ARSB: variants seen among roughly 807,000 people sequenced by gnomAD.
ARSB encodes arylsulfatase B, also known as N-acetylgalactosamine-4-sulfatase.
In ARSB, 41 loss-of-function variants were observed where a neutral mutation model predicts 50.9. The ratio of observed to expected loss-of-function variants is 0.81; its 90% CI spans 0.63 to 1.04. The LOEUF is 1.04. ARSB is among the 50% of genes least tolerant of loss of function. The probability of loss-of-function intolerance (pLI) is 0.00; values close to 1 mark genes in which losing one functional copy is unlikely to be tolerated. For missense variants in ARSB, 672 were observed against 693.3 expected (o/e 0.97, Z 0.35); for synonymous variants, 269 against 284.8 (o/e 0.94, Z 0.56).
intron 4 of ARSB, among the ~76,000 whole-genome samples, chr5:78,914,824 G>A (rs151129523): frequency 3.9e-5 from 6 of 152,158 alleles, no homozygotes; most frequent in East Asian, 3.9e-4. Flanking sequence ...CTGCCACCAC[G>A]CCCAGCTAAT....
At chr5:78,964,852 AAC>A (rs1561530627) in intron 2 of ARSB, among the ~76,000 whole-genome samples, 25 of 138,308 alleles carry the variant, frequency 1.8e-4, no homozygotes, top group African/African-American at 7.5e-4. Context: ...ATGTAACACT[AAC>A]AGTTTTTTTT....
chr5:78,918,732 G>A (rs1426245218), intron 4 of ARSB, among the ~76,000 whole-genome samples: 2 of 152,156 alleles, frequency 1.3e-5, no homozygotes, highest in Non-Finnish European at 2.9e-5. Flanking sequence ...TAGAGTCAAA[G>A]CAATTTTTAT....
rs1748166334 is a variant in ARSB, at chr5:78,889,077, A to G, written c.899-3250T>C. 2.6e-5 allele frequency among the ~76,000 whole-genome samples: 4 copies of G among 152,226 alleles called. No individual in the cohort carries two copies. In the South Asian group the frequency reaches 8.3e-4, roughly 31 times the overall value. On this transcript the variant is annotated intron_variant, in intron 4 of 7. Coordinates refer to ENST00000264914, the MANE Select transcript of ARSB (RefSeq NM_000046.5). ...GGCCGATGGTTGCCACTTATCAGCA[A>G]TGGGGCAGAATCCACTGAGTTAGGA...
intron 6 of ARSB, among the ~76,000 whole-genome samples, chr5:78,809,305 C>T (rs1438321498): frequency 6.6e-6 from 1 of 152,180 alleles, no homozygotes; most frequent in Non-Finnish European, 1.5e-5. Flanking sequence ...TCTCAAAGAA[C>T]AAGCCAGATT....
At position 78,985,307 on chromosome 5, in the gene ARSB, G is replaced by T; in HGVS notation, c.-59C>A. On this transcript the variant is annotated 5_prime_UTR_variant, in exon 1 of 8. Transcript: ENST00000264914. The stretch of plus-strand genomic sequence containing the variant: ...CCACCAGCCCCTTGTACCGCTGATA[G>T]AATGAGGAACTGGGCTGCCGGGGCC... 8.9e-6 allele frequency: 11 copies of T among 1,236,874 alleles called. No individual in the cohort carries two copies. The highest frequency in any genetic ancestry group is 1.1e-5 in the Non-Finnish European group (11 of 989,558). 76.6% of individuals were successfully genotyped at this position (1,236,874 alleles called of 1,614,324 possible).
At chr5:78,800,394 C>T (rs984639570) in intron 6 of ARSB, among the ~76,000 whole-genome samples, 5 of 151,600 alleles carry the variant, frequency 3.3e-5, no homozygotes, top group South Asian at 2.1e-4. Flanking sequence ...GGAGCACTCA[C>T]AGACTCCCCT....
chr5:78,900,175 G>T (rs574049506), intron 4 of ARSB, among the ~76,000 whole-genome samples: 46 of 152,158 alleles, frequency 3.0e-4, no homozygotes, highest in African/African-American at 1.0e-3. Context: ...AGGGGTTCCT[G>T]CCCATGGGAA....
chr5:78,792,769 T>C (rs1457285291), intron 6 of ARSB, among the ~76,000 whole-genome samples: 1 of 152,112 alleles, frequency 6.6e-6, no homozygotes, highest in East Asian at 1.9e-4. Context: ...ACTGACCAAC[T>C]GAAAGAAATC....
At chr5:78,896,001 G>A (rs1748542698) in intron 4 of ARSB, among the ~76,000 whole-genome samples, 1 of 152,202 alleles carries the variant, frequency 6.6e-6, no homozygotes, top group Admixed American at 6.5e-5. Context: ...TCCCCTGGAG[G>A]AGCCGGGGGG....
intron 6 of ARSB, among the ~76,000 whole-genome samples, chr5:78,794,187 G>A (rs1034782549): frequency 1.2e-4 from 19 of 152,186 alleles, no homozygotes; most frequent in African/African-American, 4.6e-4. Context: ...AGGTGCTGTA[G>A]TGGATTCTAA....
chr5:78,864,909 G>T (rs776420696), intron 5 of ARSB, among the ~76,000 whole-genome samples: 1 of 152,230 alleles, frequency 6.6e-6, no homozygotes, highest in South Asian at 2.1e-4. Context: ...CTCACATCCA[G>T]GTCACGCTGA....
intron 4 of ARSB, among the ~76,000 whole-genome samples, chr5:78,908,299 T>C (rs1281269355): frequency 6.6e-6 from 1 of 152,164 alleles, no homozygotes; most frequent in African/African-American, 2.4e-5. Context: ...CACTCTCCTC[T>C]TGGTCTGCCG....
intron 4 of ARSB, among the ~76,000 whole-genome samples, chr5:78,910,259 G>A (rs945047654): frequency 2.4e-4 from 36 of 152,220 alleles, no homozygotes; most frequent in African/African-American, 8.2e-4. Context: ...TCCTGGGCCC[G>A]CTGTTCTTTC....
intron 4 of ARSB, among the ~76,000 whole-genome samples, chr5:78,943,038 C>T (rs984781796): frequency 2.6e-5 from 4 of 152,100 alleles, no homozygotes; most frequent in Non-Finnish European, 5.9e-5. Context: ...TATGTAATGG[C>T]CTTCTTTGTC....
intron 4 of ARSB, among the ~76,000 whole-genome samples, chr5:78,950,670 A>G (rs1304345728): frequency 3.9e-5 from 6 of 152,188 alleles, no homozygotes; most frequent in Non-Finnish European, 5.9e-5. Context: ...GTCAGGTTCA[A>G]TAGAGTAGAA....
At chr5:78,985,762 G>A (rs1322823126), upstream of ARSB, 1 of 152,206 alleles carries the variant, frequency 6.6e-6, no homozygotes, top group African/African-American at 2.4e-5. Context: ...GTCATTTCTA[G>A]CACAAGAGCC....
chr5:78,828,564 A>G (rs1443010619), intron 6 of ARSB, among the ~76,000 whole-genome samples: 1 of 152,186 alleles, frequency 6.6e-6, no homozygotes, highest in Non-Finnish European at 1.5e-5. Flanking sequence ...CTCCATGGAA[A>G]TGATCTGACA....
intron 5 of ARSB, among the ~76,000 whole-genome samples, chr5:78,867,791 A>T (rs1746870488): frequency 6.6e-6 from 1 of 151,486 alleles, no homozygotes; most frequent in African/African-American, 2.4e-5. Context: ...CCTCACCAGC[A>T]ATGGAACAAA....
chr5:78,916,099 C>T (rs1401380128), intron 4 of ARSB, among the ~76,000 whole-genome samples: 4 of 152,130 alleles, frequency 2.6e-5, no homozygotes, highest in Admixed American at 6.5e-5. Context: ...GTGGTAAGCG[C>T]GTATGACTTC....
Sources: allele counts gnomAD v4.1 joint callset (sites outside exome capture counted in the v4.1 genomes callset), GRCh38; gene constraint gnomAD v4.1.1; transcripts MANE v1.5; gene names NCBI Gene and HGNC (gene_info 2026-07-23, HGNC 2026-07-21).